The following SUSD4 variants were observed in gnomAD, a reference collection of about 807,000 sequenced individuals.
SUSD4 encodes the protein sushi domain containing 4.
In SUSD4, 41 loss-of-function variants were observed where a neutral mutation model predicts 50.5. The ratio of observed to expected loss-of-function variants is 0.81; its 90% confidence interval spans 0.63 to 1.05. SUSD4 has a LOEUF of 1.05. SUSD4 is among the 50% of genes least tolerant of loss of function. The pLI, the probability that SUSD4 is intolerant of heterozygous loss-of-function variation, is 0.00. For synonymous variants in SUSD4, 257 were observed against 257.3 expected (o/e 1.00, Z 0.01); for missense variants, 580 against 634.7 (o/e 0.91, Z 0.93).
intron 2 of SUSD4, among the ~76,000 whole-genome samples, chr1:223,333,321 C>G (rs1375006147): frequency 3.9e-5 from 6 of 152,092 alleles, no homozygotes; most frequent in African/African-American, 1.4e-4. Context: ...CACCTGTAAA[C>G]TGGGGCTATC....
chr1:223,247,760 G>C (rs1016615930), intron 5 of SUSD4, among the ~76,000 whole-genome samples: 1 of 152,106 alleles, frequency 6.6e-6, no homozygotes, highest in Non-Finnish European at 1.5e-5. Flanking sequence ...GTCTGGAGGG[G>C]GTCCTGGGCT....
At chr1:223,337,443 A>T (rs546177093) in intron 2 of SUSD4, among the ~76,000 whole-genome samples, 1 of 152,300 alleles carries the variant, frequency 6.6e-6, no homozygotes, top group South Asian at 2.1e-4. Context: ...CAGATGTCTA[A>T]ATTTAGCTTG....
chr1:223,277,366 A>G (rs1184762302), intron 3 of SUSD4, among the ~76,000 whole-genome samples: 1 of 151,884 alleles, frequency 6.6e-6, no homozygotes, highest in Non-Finnish European at 1.5e-5. Flanking sequence ...ATGGAGACAG[A>G]GCAAACTGGA....
intron 3 of SUSD4, among the ~76,000 whole-genome samples, chr1:223,280,240 T>A (rs1329248838): frequency 1.3e-5 from 2 of 152,118 alleles, no homozygotes; most frequent in South Asian, 4.1e-4. Context: ...ATAACAATAT[T>A]AACCTTACAT....
intron 6 of SUSD4, among the ~76,000 whole-genome samples, chr1:223,228,964 T>A (rs1318776313): frequency 6.6e-6 from 1 of 151,760 alleles, no homozygotes; most frequent in African/African-American, 2.4e-5. Context: ...CTAGCATCCA[T>A]GGAAGGACCT....
At chr1:223,244,043 G>A (rs937591789) in intron 5 of SUSD4, among the ~76,000 whole-genome samples, 5 of 152,182 alleles carry the variant, frequency 3.3e-5, no homozygotes, top group African/African-American at 7.2e-5. Flanking sequence ...ATAAGTAAAC[G>A]CATAGATATT....
intron 3 of SUSD4, among the ~76,000 whole-genome samples, chr1:223,289,622 T>C (rs946306285): frequency 2.0e-5 from 3 of 152,154 alleles, no homozygotes; most frequent in Admixed American, 6.5e-5. Context: ...GGAGTCCAGG[T>C]AACAGTGACA....
At chr1:223,249,619 T>C (rs1409856903) in intron 5 of SUSD4, among the ~76,000 whole-genome samples, 4 of 152,230 alleles carry the variant, frequency 2.6e-5, no homozygotes, top group Non-Finnish European at 2.9e-5. Context: ...TCAGTGTATG[T>C]GTGTATGCAC....
At chr1:223,345,232 C>A (rs530705809) in intron 2 of SUSD4, among the ~76,000 whole-genome samples, 22 of 152,294 alleles carry the variant, frequency 1.4e-4, no homozygotes, top group African/African-American at 5.3e-4. Flanking sequence ...TGGATCCCCC[C>A]AACCCCTTCA....
chr1:223,347,577 G>T (rs61838246), intron 2 of SUSD4, among the ~76,000 whole-genome samples: 49,264 of 150,942 alleles, frequency 0.33, 8,030 homozygotes, highest in African/African-American at 0.39. Context: ...AGCCACTATT[G>T]GGGGATCAGT....
At chr1:223,232,371 C>T (rs1376869303) in intron 5 of SUSD4, among the ~76,000 whole-genome samples, 1 of 151,678 alleles carries the variant, frequency 6.6e-6, no homozygotes, top group African/African-American at 2.4e-5. Context: ...GTAGATGTAT[C>T]TCAAAACATC....
chr1:223,235,036 C>CA (rs764995049), intron 5 of SUSD4: 1 of 1,610,912 alleles, frequency 6.2e-7, no homozygotes, highest in East Asian at 2.2e-5. Flanking sequence ...AAAAATAAAG[C>CA]ACAGCAGCTG....
At chr1:223,254,038 G>C (rs1661516108) in intron 5 of SUSD4, among the ~76,000 whole-genome samples, 1 of 152,224 alleles carries the variant, frequency 6.6e-6, no homozygotes, top group Non-Finnish European at 1.5e-5. Context: ...GGTGAGAACT[G>C]TGAACTCAGT....
At chr1:223,340,315 G>A (rs1255637546) in intron 2 of SUSD4, among the ~76,000 whole-genome samples, 1 of 152,202 alleles carries the variant, frequency 6.6e-6, no homozygotes, top group East Asian at 1.9e-4. Context: ...CCAGGCACTG[G>A]CCTGTCCATT....
chr1:223,356,479 T>C (rs939909072), intron 2 of SUSD4, among the ~76,000 whole-genome samples: 2 of 152,034 alleles, frequency 1.3e-5, no homozygotes, highest in Admixed American at 6.6e-5. Flanking sequence ...GGCATGATCA[T>C]AGCTCGCTGC....
chr1:223,229,548 T>C lies in SUSD4; in HGVS notation c.725-160A>G. 3.0e-6 allele frequency: 2 copies of C among 658,034 alleles called. No homozygotes were observed. Among genetic ancestry groups the C allele is most frequent in the Non-Finnish European group, 4.8e-6 (2 of 412,532 alleles). 40.8% of individuals were successfully genotyped at this position (658,034 alleles called of 1,614,324 possible). On this transcript the variant is annotated intron_variant, in intron 5 of 8. Transcript: ENST00000366878. The surrounding 1 kb of genome is among the most constrained non-coding windows in gnomAD (Gnocchi z 4.7). Reference sequence around the variant, plus strand: ...ATTAGAGATGGTCTCTTTTTTAGTATTTCATGGAAGGCGGAATGGAAGCCT... The same window carrying C: ...ATTAGAGATGGTCTCTTTTTTAGTACTTCATGGAAGGCGGAATGGAAGCCT...
At chr1:223,346,529 G>C (rs61838244) in intron 2 of SUSD4, among the ~76,000 whole-genome samples, 10,628 of 152,096 alleles carry the variant, frequency 0.07, 451 homozygotes, top group East Asian at 0.12. Context: ...CCCCCAGCCT[G>C]GAAGCAGTGA....
At chr1:223,245,545 G>A (rs972678375) in intron 5 of SUSD4, among the ~76,000 whole-genome samples, 7 of 152,072 alleles carry the variant, frequency 4.6e-5, no homozygotes, top group African/African-American at 1.2e-4. Context: ...GGAGGCAGGC[G>A]GGACACTGTG....
intron 5 of SUSD4, among the ~76,000 whole-genome samples, chr1:223,249,145 T>C (rs1284415404): frequency 6.6e-6 from 1 of 152,210 alleles, no homozygotes; most frequent in Non-Finnish European, 1.5e-5. Flanking sequence ...TGTTTTGACG[T>C]CTGTGAACAT....
Sources: gnomAD v4.1 joint callset for allele counts (sites outside exome capture counted in the v4.1 genomes callset) on GRCh38, gnomAD v4.1.1 for gene constraint, Gnocchi (gnomAD v3.1) non-coding constraint, MANE v1.5 for transcripts, NCBI Gene and HGNC (gene_info 2026-07-23, HGNC 2026-07-21) for gene names.